The following LRMDA variants were observed in gnomAD, a reference collection of about 807,000 sequenced individuals.
LRMDA encodes the protein leucine rich melanocyte differentiation associated.
In LRMDA, 18 loss-of-function variants were observed where a neutral mutation model predicts 29.8. The ratio of observed to expected loss-of-function variants is 0.60; its 90% CI spans 0.42 to 0.90. The LOEUF is 0.90. Among genes scored for constraint, LRMDA ranks in the 40% least tolerant of loss-of-function variants. The probability of loss-of-function intolerance (pLI) is 0.00; values close to 1 mark genes in which losing one functional copy is unlikely to be tolerated. For missense variants in LRMDA, 273 were observed against 273.9 expected (o/e 1.00, Z 0.02); for synonymous variants, 125 against 109.4 (o/e 1.14, Z -0.89).
chr10:76,087,536 G>C (rs1167749340), intron 5 of LRMDA, among the ~76,000 whole-genome samples: 1 of 152,158 alleles, frequency 6.6e-6, no homozygotes, highest in African/African-American at 2.4e-5. Context: ...CATCTTGGGA[G>C]GGTGATTGGG....
intron 2 of LRMDA, among the ~76,000 whole-genome samples, chr10:75,936,331 T>C (rs960476092): frequency 1.3e-5 from 2 of 152,172 alleles, no homozygotes; most frequent in East Asian, 3.9e-4. Context: ...TTTGCTTTAC[T>C]TCTCCAGAGT....
chr10:76,072,853 T>G (rs1160990103), intron 5 of LRMDA, among the ~76,000 whole-genome samples: 1 of 152,260 alleles, frequency 6.6e-6, no homozygotes, highest in Non-Finnish European at 1.5e-5. Context: ...TGAGTACTTC[T>G]GCTGCTGCTG....
chr10:76,133,695 G>A (rs1239224723), intron 5 of LRMDA, among the ~76,000 whole-genome samples: 1 of 152,208 alleles, frequency 6.6e-6, no homozygotes, highest in Non-Finnish European at 1.5e-5. Context: ...TCGCCTGCAG[G>A]GTTTGCATCA....
rs569488060 is a variant in LRMDA, at chr10:76,257,942, T to A, written c.517-66459T>A. Among the ~76,000 whole-genome samples the A allele has an allele frequency of 4.6e-5, 7 of 152,300 alleles. No individual in the cohort carries two copies. In the South Asian group the frequency reaches 1.5e-3, roughly 32 times the overall value. ...TTCTTCCAGAAAGCTAGCCTGGGCATGTTACCTGGTGGGAGAAAGGTTCCC... is the reference window on the plus strand; with the variant it reads ...TTCTTCCAGAAAGCTAGCCTGGGCAAGTTACCTGGTGGGAGAAAGGTTCCC... On this transcript the variant is annotated intron_variant, in intron 5 of 6. Coordinates refer to ENST00000611255, the MANE Select transcript of LRMDA (RefSeq NM_001305581.2).
At chr10:76,071,651 T>C (rs1398617597) in intron 5 of LRMDA, among the ~76,000 whole-genome samples, 1 of 152,208 alleles carries the variant, frequency 6.6e-6, no homozygotes, top group Non-Finnish European at 1.5e-5. Context: ...CCTTTGCACA[T>C]TATATGACTA....
chr10:76,324,382 C>A lies in LRMDA; in HGVS notation c.517-19C>A. ...GGTGTTTGGTGTTGCTTCATGTTGA[C>A]TTTGCTTTTGTCACACAGGCTTCTA... is the stretch of plus-strand genomic sequence containing the variant. On this transcript the variant is annotated intron_variant, in intron 5 of 6. Coordinates refer to ENST00000611255, the MANE Select transcript of LRMDA (RefSeq NM_001305581.2). 1.2e-6 allele frequency: 2 copies of A among 1,612,914 alleles called. No homozygotes were observed. The highest frequency in any genetic ancestry group is 2.7e-5 in the African/African-American group (2 of 75,008).
In LRMDA at chr10:76,504,824, A is replaced by G. The variant is rs111356019; in HGVS notation, c.602-52385A>G. The stretch of plus-strand genomic sequence containing the variant: ...TTCAGGGTTATTATTGATATCTGAG[A>G]TTTTGACCCTGTCATCATATTGTTA... On this transcript the variant is annotated intron_variant, in intron 6 of 6. Coordinates refer to ENST00000611255, the MANE Select transcript of LRMDA (RefSeq NM_001305581.2). Among the ~76,000 whole-genome samples the G allele has an allele frequency of 6.4e-3, 970 of 152,106 alleles. 8 individuals carry two copies. Among genetic ancestry groups the G allele is most frequent in the African/African-American group, 0.023 (941 of 41,532 alleles).
intron 2 of LRMDA, among the ~76,000 whole-genome samples, chr10:75,648,513 C>T (rs1268299672): frequency 6.6e-6 from 1 of 152,126 alleles, no homozygotes; most frequent in Non-Finnish European, 1.5e-5. Context: ...TGCTGCTCCA[C>T]ATATGCAAAT....
At chr10:76,181,256 G>C (rs572257797) in intron 5 of LRMDA, among the ~76,000 whole-genome samples, 1 of 152,292 alleles carries the variant, frequency 6.6e-6, no homozygotes, top group South Asian at 2.1e-4. Context: ...AAAGCCTTGA[G>C]CTCATTCTCA....
chr10:75,881,100 G>A (rs1033217739), intron 2 of LRMDA, among the ~76,000 whole-genome samples: 2 of 152,172 alleles, frequency 1.3e-5, no homozygotes, highest in African/African-American at 4.8e-5. Context: ...GTGAATATAA[G>A]CAGATTTCTC....
intron 2 of LRMDA, among the ~76,000 whole-genome samples, chr10:75,549,239 T>G (rs1251816541): frequency 6.6e-6 from 1 of 152,146 alleles, no homozygotes; most frequent in African/African-American, 2.4e-5. Flanking sequence ...TTGGATTGTT[T>G]AAAGTTTTAG....
chr10:75,465,764 C>T (rs1422299355), intron 2 of LRMDA, among the ~76,000 whole-genome samples: 1 of 152,146 alleles, frequency 6.6e-6, no homozygotes, highest in Non-Finnish European at 1.5e-5. Context: ...GTAGCAGGCT[C>T]CCCTGTGAAA....
rs200606317 is a variant in LRMDA, at chr10:76,538,544, G to GTA, written c.602-18654_602-18653dup. 7.1e-4 allele frequency among the ~76,000 whole-genome samples: 100 copies of GTA among 139,946 alleles called. 1 individual carries two copies. Among genetic ancestry groups the GTA allele is most frequent in the Non-Finnish European group, 1.2e-3 (79 of 66,066 alleles). The allele number at this position is 139,946 out of a possible 152,430, so 91.8% of individuals were successfully genotyped here. On this transcript the variant is annotated intron_variant, in intron 6 of 6. Coordinates refer to ENST00000611255, the MANE Select transcript of LRMDA (RefSeq NM_001305581.2). ...CATATTTATATACAGTTATATATATGTATATATATATACACACACACACAC... is the reference window on the plus strand; with the variant it reads ...CATATTTATATACAGTTATATATATGTATATATATATATACACACACACACAC...
chr10:75,450,822 C>T (rs987988621), intron 2 of LRMDA: 1 of 152,224 alleles, frequency 6.6e-6, no homozygotes, highest in African/African-American at 2.4e-5. Context: ...ATCAAAGCCC[C>T]GTAGGCATGG....
At chr10:76,038,276 G>A (rs1217772060) in intron 3 of LRMDA, among the ~76,000 whole-genome samples, 1 of 152,174 alleles carries the variant, frequency 6.6e-6, no homozygotes, top group African/African-American at 2.4e-5. Flanking sequence ...TCACAGTATT[G>A]CTGTCACCAG....
chr10:75,715,022 C>G (rs1039857207), intron 2 of LRMDA, among the ~76,000 whole-genome samples: 2 of 152,128 alleles, frequency 1.3e-5, no homozygotes, highest in Non-Finnish European at 2.9e-5. Flanking sequence ...TTGGAGCTTC[C>G]ATGATATTCA....
intron 2 of LRMDA, among the ~76,000 whole-genome samples, chr10:75,579,266 A>G (rs1840554353): frequency 1.3e-5 from 2 of 152,354 alleles, no homozygotes; most frequent in South Asian, 4.1e-4. Context: ...CAGAAATACA[A>G]ATTACCTTCA....
chr10:76,206,552 T>C (rs1851540631), intron 5 of LRMDA, among the ~76,000 whole-genome samples: 1 of 152,200 alleles, frequency 6.6e-6, no homozygotes, highest in South Asian at 2.1e-4. Flanking sequence ...ATGTAATCCA[T>C]ATCTGTTGCA....
chr10:76,364,896 A>G (rs999413241), intron 6 of LRMDA, among the ~76,000 whole-genome samples: 2 of 151,438 alleles, frequency 1.3e-5, no homozygotes, highest in African/African-American at 4.9e-5. Flanking sequence ...TATTATTCTT[A>G]TACCTTTGCA....
Sources: gnomAD v4.1 joint callset for allele counts (sites outside exome capture counted in the v4.1 genomes callset) on GRCh38, gnomAD v4.1.1 for gene constraint, MANE v1.5 for transcripts, NCBI Gene and HGNC (gene_info 2026-07-23, HGNC 2026-07-21) for gene names.